The following ZNF248 variants were observed in gnomAD, a reference collection of about 807,000 sequenced individuals.
ZNF248 encodes zinc finger protein 248.
A neutral mutation model predicts 44.3 loss-of-function variants in ZNF248; 20 were observed. That is an observed-to-expected ratio of 0.45 (90% confidence interval 0.32 to 0.66). The LOEUF is 0.66. Ranked by LOEUF, ZNF248 falls within the 30% of genes least tolerant of loss-of-function variation. The probability of loss-of-function intolerance (pLI) is 0.04; values close to 1 mark genes in which losing one functional copy is unlikely to be tolerated. For missense variants in ZNF248, 654 were observed against 677.0 expected (o/e 0.97, Z 0.38); for synonymous variants, 224 against 229.0 (o/e 0.98, Z 0.20).
chr10:37,777,255 C>A (rs900594820), intron 6 of ZNF248, among the ~76,000 whole-genome samples: 1 of 152,138 alleles, frequency 6.6e-6, no homozygotes, highest in East Asian at 1.9e-4. Flanking sequence ...GCAACGACCA[C>A]AAAATTATGT....
chr10:37,850,911 T>C (rs918681521), intron 3 of ZNF248, among the ~76,000 whole-genome samples: 1 of 151,960 alleles, frequency 6.6e-6, no homozygotes, highest in African/African-American at 2.4e-5. Flanking sequence ...TTCTTAAGAC[T>C]TGATAACAAA....
the ZNF248 span, among the ~76,000 whole-genome samples, chr10:37,770,964 T>C: frequency 6.6e-6 from 1 of 152,074 alleles, no homozygotes; most frequent in Admixed American, 6.6e-5. Context: ...GGGTGAAGGA[T>C]ATGAACAAAC....
intron 3 of ZNF248, among the ~76,000 whole-genome samples, chr10:37,839,505 A>AC (rs1491145871): frequency 0.037 from 3,425 of 93,070 alleles, 87 homozygotes; most frequent in East Asian, 0.086. Context: ...ATGTATACAC[A>AC]AACACACACA....
At position 37,820,870 on chromosome 10, in the gene ZNF248, C is replaced by T. The variant is rs2053350495; in HGVS notation, c.330+12155G>A. 6 of 1,262,660 alleles carry T rather than the reference C, an allele frequency of 4.8e-6. No individual in the cohort carries two copies. In the East Asian group the frequency reaches 1.4e-4, roughly 29 times the overall value. The allele number at this position is 1,262,660 out of a possible 1,614,324, so 78.2% of individuals were successfully genotyped here. On this transcript the variant is annotated intron_variant, in intron 6 of 6. Transcript: ENST00000615949. ...TTTTGCATGTATTTATTTCTTCTTG[C>T]ATATTTATTGTTTTTTCCTCTTCTA...
chr10:37,810,804 G>A (rs541757695), intron 6 of ZNF248, among the ~76,000 whole-genome samples: 23 of 152,210 alleles, frequency 1.5e-4, no homozygotes, highest in African/African-American at 5.5e-4. Context: ...GTTAACAGAC[G>A]TGAAGAGGTA....
chr10:37,766,782 T>C, the ZNF248 span, among the ~76,000 whole-genome samples: 1 of 152,190 alleles, frequency 6.6e-6, no homozygotes, highest in Non-Finnish European at 1.5e-5. Context: ...GAGAATGACT[T>C]TGACGAGCTG....
At chr10:37,801,708 G>C (rs1474725023) in intron 6 of ZNF248, among the ~76,000 whole-genome samples, 1 of 152,188 alleles carries the variant, frequency 6.6e-6, no homozygotes. Flanking sequence ...ACAGAAGTTA[G>C]ATTGGCAAGA....
At chr10:37,783,605 G>A (rs2047555500) in intron 6 of ZNF248, among the ~76,000 whole-genome samples, 1 of 152,134 alleles carries the variant, frequency 6.6e-6, no homozygotes, top group Non-Finnish European at 1.5e-5. Flanking sequence ...TGAAACATTT[G>A]GCTTACACAA....
intron 3 of ZNF248, among the ~76,000 whole-genome samples, chr10:37,855,297 G>A (rs2061074514): frequency 1.3e-5 from 2 of 152,132 alleles, no homozygotes; most frequent in East Asian, 1.9e-4. Context: ...ATGATTAAAT[G>A]TCACCCTACC....
At chr10:37,808,088 C>G (rs569453510) in intron 6 of ZNF248, among the ~76,000 whole-genome samples, 2 of 151,934 alleles carry the variant, frequency 1.3e-5, no homozygotes, top group Admixed American at 6.6e-5. Context: ...CAAATGGTTT[C>G]TCTTCATCAA....
chr10:37,759,248 A>T, the ZNF248 span, among the ~76,000 whole-genome samples: 1 of 152,226 alleles, frequency 6.6e-6, no homozygotes, highest in African/African-American at 2.4e-5. Flanking sequence ...GTTTGGGGGC[A>T]GTCTGAGCCA....
intron 6 of ZNF248, among the ~76,000 whole-genome samples, chr10:37,823,198 G>A (rs899773364): frequency 2.6e-5 from 4 of 151,538 alleles, no homozygotes; most frequent in Non-Finnish European, 4.4e-5. Context: ...GCTGGTCATG[G>A]TGGCACGTGC....
the ZNF248 span, among the ~76,000 whole-genome samples, chr10:37,766,428 G>A: frequency 6.6e-6 from 1 of 152,170 alleles, no homozygotes; most frequent in Admixed American, 6.5e-5. Context: ...GGAACGATCA[G>A]GCAGCAGCAT....
chr10:37,788,202 T>C (rs896704136), intron 6 of ZNF248, among the ~76,000 whole-genome samples: 1 of 145,554 alleles, frequency 6.9e-6, no homozygotes. Flanking sequence ...GAGGTGGAGG[T>C]TGCAGTGAGC....
intron 6 of ZNF248, chr10:37,803,105 T>C (rs2050028583): frequency 6.6e-6 from 1 of 152,218 alleles, no homozygotes; most frequent in African/African-American, 2.4e-5. Context: ...ATTACAGGCA[T>C]GAGCCACCGA....
intron 6 of ZNF248, chr10:37,819,028 C>T (rs2053030898): frequency 1.2e-6 from 1 of 831,690 alleles, no homozygotes; most frequent in East Asian, 2.5e-5. Context: ...ATGTCAGCTC[C>T]ATGCCACCCA....
intron 3 of ZNF248, among the ~76,000 whole-genome samples, chr10:37,843,178 C>T (rs2058664520): frequency 6.6e-6 from 1 of 152,138 alleles, no homozygotes; most frequent in African/African-American, 2.4e-5. Flanking sequence ...CATGGTGGCT[C>T]ATGCCTGTAA....
intron 6 of ZNF248, chr10:37,819,584 T>C: frequency 1.1e-6 from 1 of 878,238 alleles, no homozygotes; most frequent in East Asian, 2.4e-5. Flanking sequence ...GTTATCTTCA[T>C]TATGTATCCT....
At chr10:37,764,175 G>C in the ZNF248 span, among the ~76,000 whole-genome samples, 1 of 152,204 alleles carries the variant, frequency 6.6e-6, no homozygotes, top group Non-Finnish European at 1.5e-5. Flanking sequence ...CCCTGAGAAA[G>C]AGAATGCATT....
Sources: gnomAD v4.1 joint callset for allele counts (sites outside exome capture counted in the v4.1 genomes callset) on GRCh38, gnomAD v4.1.1 for gene constraint, MANE v1.5 for transcripts, NCBI Gene and HGNC (gene_info 2026-07-23, HGNC 2026-07-21) for gene names.